Variants in MYO3A observed in about 807,000 individuals in gnomAD.
The protein encoded by MYO3A is myosin IIIA, also known as myosin-IIIa.
MYO3A carries 180 observed loss-of-function variants against 192.7 expected under a neutral mutation model. The ratio of observed to expected loss-of-function variants is 0.93; its 90% CI spans 0.83 to 1.06. The LOEUF is 1.06. MYO3A is among the 50% of genes least tolerant of loss of function. MYO3A has a pLI of 0.00. For synonymous variants in MYO3A, 628 were observed against 645.3 expected (o/e 0.97, Z 0.41); for missense variants, 1,896 against 1,905.0 (o/e 1.00, Z 0.09).
chr10:25,968,882 A>G (rs1412018870), intron 4 of MYO3A, among the ~76,000 whole-genome samples: 2 of 152,218 alleles, frequency 1.3e-5, no homozygotes, highest in Non-Finnish European at 1.5e-5. Context: ...CTTAGTATCC[A>G]TCTGGGTTAT....
intron 31 of MYO3A, 93 bp from the exon 32 acceptor site, chr10:26,193,112 A>G (rs1843229832): frequency 3.0e-6 from 3 of 996,770 alleles, no homozygotes; most frequent in East Asian, 5.2e-5. Flanking sequence ...CCTCAGTCAT[A>G]TGTGTATAAT....
intron 27 of MYO3A, among the ~76,000 whole-genome samples, chr10:26,166,826 G>A (rs572990134): frequency 4.6e-5 from 7 of 152,120 alleles, no homozygotes; most frequent in East Asian, 1.9e-4. Context: ...TACTAGACTC[G>A]CTATATGTAT....
At chr10:25,945,772 T>G (rs1836795451) in intron 2 of MYO3A, among the ~76,000 whole-genome samples, 1 of 152,144 alleles carries the variant, frequency 6.6e-6, no homozygotes, top group Non-Finnish European at 1.5e-5. Flanking sequence ...AACTTACCAT[T>G]ATCATTTTTT....
intron 17 of MYO3A, 38 bp downstream of exon 17, chr10:26,096,720 T>C: frequency 7.4e-7 from 1 of 1,351,098 alleles, no homozygotes; most frequent in Middle Eastern, 1.9e-4. Flanking sequence ...TTAGAAAGTA[T>C]CTTTTTATCA....
intron 14 of MYO3A, among the ~76,000 whole-genome samples, chr10:26,086,340 C>T (rs1564533930): frequency 6.6e-6 from 1 of 152,238 alleles, no homozygotes; most frequent in East Asian, 1.9e-4. Flanking sequence ...AATCACCTCT[C>T]ACCAGGCCCC....
At chr10:26,196,083 G>C (rs1170381832) in intron 32 of MYO3A, among the ~76,000 whole-genome samples, 1 of 152,204 alleles carries the variant, frequency 6.6e-6, no homozygotes, top group Non-Finnish European at 1.5e-5. Context: ...AAATGAAATT[G>C]ATTTTTTTCT....
rs1839329800 is a variant in MYO3A at position 26,128,319 on chromosome 10, A to G, written c.2115-72A>G. The G allele has an allele frequency of 1.0e-5, 15 of 1,493,704 alleles. No individual in the cohort carries two copies. In the African/African-American group the frequency reaches 1.4e-4, roughly 14 times the overall value. The allele number at this position is 1,493,704 out of a possible 1,614,324, so 92.5% of individuals were successfully genotyped here. ...TTTCTTAGCTCAGTCACAAATGGTA[A>G]CTCTAAGATTCCCTGTTTTACATTA... On this transcript the variant is annotated intron_variant, in intron 19 of 34. Coordinates refer to ENST00000642920, the MANE Select transcript of MYO3A (RefSeq NM_017433.5).
intron 4 of MYO3A, among the ~76,000 whole-genome samples, chr10:25,978,986 AT>A (rs1269436711): frequency 1.3e-5 from 2 of 151,984 alleles, no homozygotes; most frequent in Non-Finnish European, 2.9e-5. Context: ...TTTGATTGTA[AT>A]TTTTTTCCAC....
chr10:26,204,916 C>G (rs1412935032), intron 34 of MYO3A, among the ~76,000 whole-genome samples: 2 of 151,974 alleles, frequency 1.3e-5, no homozygotes, highest in East Asian at 3.8e-4. Context: ...TTGACAGTAT[C>G]CTGAATTTAA....
intron 31 of MYO3A, among the ~76,000 whole-genome samples, chr10:26,178,884 C>T (rs1300426480): frequency 6.6e-6 from 1 of 151,754 alleles, no homozygotes; most frequent in Non-Finnish European, 1.5e-5. Flanking sequence ...TCACTGCAAG[C>T]TCCGCCTCCC....
rs145314923 is a variant in MYO3A at position 26,025,271 on chromosome 10, G to A, written c.798-1106G>A. 5.3e-3 allele frequency among the ~76,000 whole-genome samples: 805 copies of A among 151,974 alleles called. 10 individuals carry two copies. Among genetic ancestry groups the A allele is most frequent in the African/African-American group, 0.019 (768 of 41,450 alleles). On this transcript the variant is annotated intron_variant, in intron 9 of 34. Coordinates refer to ENST00000642920, the MANE Select transcript of MYO3A (RefSeq NM_017433.5). ...TAAATTGCCTAATTATCATAATACC[G>A]ATTAGAAATGGCGCTACTCAAGCCA... is the stretch of plus-strand genomic sequence containing the variant.
At chr10:26,059,981 G>A (rs1222643588) in intron 10 of MYO3A, among the ~76,000 whole-genome samples, 1 of 152,076 alleles carries the variant, frequency 6.6e-6, no homozygotes, top group Non-Finnish European at 1.5e-5. Flanking sequence ...ACTTAGGCTG[G>A]GCGTGATGGC....
intron 17 of MYO3A, among the ~76,000 whole-genome samples, chr10:26,097,147 A>G (rs1837088877): frequency 6.6e-6 from 1 of 152,070 alleles, no homozygotes; most frequent in Admixed American, 6.6e-5. Flanking sequence ...TTCATATTAT[A>G]AATTTTTCAC....
At position 26,078,549 on chromosome 10, in the gene MYO3A, G is replaced by A. The variant is rs529286869; in HGVS notation, c.1359+8148G>A. The stretch of plus-strand genomic sequence containing the variant: ...CTTGGTTATTTCCTTTCTTCTCTTT[G>A]GTTTGGGTTTGGTTTGTTCTTGTTT... On this transcript the variant is annotated intron_variant, in intron 14 of 34. Coordinates refer to ENST00000642920, the MANE Select transcript of MYO3A (RefSeq NM_017433.5). Among the ~76,000 whole-genome samples, 252 of 151,812 alleles carry A rather than the reference G, an allele frequency of 1.7e-3. 1 individual carries two copies. Among genetic ancestry groups the A allele is most frequent in the African/African-American group, 6.0e-3 (249 of 41,438 alleles).
Position 26,176,762 on chromosome 10 carries a change from C to A in MYO3A, c.4355C>A (p.Ser1452Ter), listed in dbSNP as rs1169955807. ...LQKKLNEMIL[S>*]QQLKSLYLGV... is the part of the protein sequence containing the mutation. ...AAAAAATTGAATGAAATGATTTTGT[C>A]ACAGCAACTGAAGTCACTTTATCTG... Residue 1452 changes from serine to a stop codon, truncating the protein, a stop_gained, in exon 31 of 35, where the codon TCA becomes TAA. Coordinates refer to ENST00000642920, the MANE Select transcript of MYO3A (RefSeq NM_017433.5). LOFTEE classifies it high-confidence loss of function. The A allele has an allele frequency of 6.2e-7, 1 of 1,612,574 alleles. No homozygotes were observed. The highest frequency in any genetic ancestry group is 1.3e-5 in the African/African-American group (1 of 74,870).
At chr10:26,192,864 AGGCT>A (rs1843217626) in intron 31 of MYO3A, among the ~76,000 whole-genome samples, 1 of 152,058 alleles carries the variant, frequency 6.6e-6, no homozygotes, top group Non-Finnish European at 1.5e-5. Context: ...TCAGTTGGCC[AGGCT>A]GGTCTCGAAC....
chr10:26,139,969 A>G (rs1350542698), intron 20 of MYO3A, among the ~76,000 whole-genome samples: 1 of 152,314 alleles, frequency 6.6e-6, no homozygotes, highest in East Asian at 1.9e-4. Flanking sequence ...TTAAGATGTA[A>G]TAGAAAATAC....
rs114439171 is a variant in MYO3A, at chr10:26,101,280, C to T, written c.1776+4598C>T. ...CTTCCTCCAAACCTTTATTTTGAAC[C>T]TGTGTGTGTCTCTGCACATGATATG... On this transcript the variant is annotated intron_variant, in intron 17 of 34. Transcript: ENST00000642920. Among the ~76,000 whole-genome samples the T allele has an allele frequency of 4.4e-3, 668 of 152,258 alleles. 4 individuals carry two copies. The highest frequency in any genetic ancestry group is 0.016 in the African/African-American group (647 of 41,564).
intron 26 of MYO3A, among the ~76,000 whole-genome samples, chr10:26,162,182 G>A (rs4568901): frequency 0.74 from 112,717 of 152,098 alleles, 42,237 homozygotes; most frequent in African/African-American, 0.84. Flanking sequence ...AGGTGCTCAA[G>A]TATTTTTCAA....
Sources: allele counts gnomAD v4.1 joint callset (sites outside exome capture counted in the v4.1 genomes callset), GRCh38; gene constraint gnomAD v4.1.1; transcripts MANE v1.5; gene names NCBI Gene and HGNC (gene_info 2026-07-23, HGNC 2026-07-21).